Variants in FMN2 observed in about 807,000 individuals in gnomAD.
The protein encoded by FMN2 is formin 2, also known as formin-2.
FMN2 carries 51 observed loss-of-function variants against 142.3 expected under a neutral mutation model. The ratio of observed to expected loss-of-function variants is 0.36; its 90% confidence interval spans 0.29 to 0.45. The LOEUF (loss-of-function observed/expected upper bound fraction) is 0.45, where lower values mean the gene tolerates loss of function less well. FMN2 is among the 20% of genes least tolerant of loss of function. The pLI is 1.00. For synonymous variants in FMN2, 882 were observed against 869.8 expected (o/e 1.01, Z -0.25); for missense variants, 1,936 against 2,122.8 (o/e 0.91, Z 1.73).
chr1:240,115,521 C>T (rs193264942), intron 1 of FMN2, among the ~76,000 whole-genome samples: 23 of 152,262 alleles, frequency 1.5e-4, no homozygotes, highest in African/African-American at 5.1e-4. Context: ...TTAAAGCTTT[C>T]CTTGTCGGTG....
At chr1:240,384,382 G>C (rs1232361211) in intron 14 of FMN2, among the ~76,000 whole-genome samples, 1 of 152,106 alleles carries the variant, frequency 6.6e-6, no homozygotes, top group Admixed American at 6.6e-5. Context: ...TTTGCCTGTT[G>C]TATGATCACA....
intron 15 of FMN2, among the ~76,000 whole-genome samples, chr1:240,416,335 A>G (rs932577075): frequency 6.9e-6 from 1 of 144,120 alleles, no homozygotes; most frequent in African/African-American, 2.6e-5. Context: ...ATCTTAGCTC[A>G]CTGCAACCTC....
At chr1:240,093,795 C>T in intron 1 of FMN2, 71 bp downstream of exon 1, 1 of 1,124,620 alleles carries the variant, frequency 8.9e-7, no homozygotes, top group South Asian at 3.3e-5. Context: ...CTGCCACCCG[C>T]CCTCCCTGGG....
intron 2 of FMN2, among the ~76,000 whole-genome samples, chr1:240,123,571 C>T (rs561671652): frequency 1.3e-5 from 2 of 149,728 alleles, no homozygotes; most frequent in East Asian, 3.9e-4. Context: ...ACCTCCTTTT[C>T]TTGACAGATG....
chr1:240,175,497 T>C (rs1664877816), intron 2 of FMN2, among the ~76,000 whole-genome samples: 1 of 152,130 alleles, frequency 6.6e-6, no homozygotes, highest in Admixed American at 6.6e-5. Context: ...TTATGTTCTA[T>C]CTTGTTGTTG....
chr1:240,093,539 C>A lies in FMN2; in HGVS notation c.1430C>A (p.Ala477Asp). 1 of 1,546,190 alleles carries A rather than the reference C, an allele frequency of 6.5e-7. No individual in the cohort carries two copies. Among genetic ancestry groups the A allele is most frequent in the Non-Finnish European group, 8.7e-7 (1 of 1,152,082 alleles). ...KKHRADGGLA[A>D]GLSRSADWTE... ...CACCGGGCCGACGGCGGCCTTGCGG[C>A]CGGCCTGAGCCGCTCGGCTGACTGG... Residue 477 changes from alanine to aspartate, a missense_variant, in exon 1 of 18, where the codon GCC becomes GAC. Physicochemically the swap from Ala to Asp is moderately radical, Grantham distance 126. Around this residue, in one of 8 missense-constraint regions of FMN2, gnomAD observed 751 missense variants for 791.8 expected, o/e 0.95. Coordinates refer to ENST00000319653, the MANE Select transcript of FMN2 (RefSeq NM_020066.5).
Position 240,306,068 on chromosome 1 carries a change from A to G in FMN2, c.4215+11185A>G, listed in dbSNP as rs189207777. 3.3e-3 allele frequency among the ~76,000 whole-genome samples: 485 copies of G among 148,976 alleles called. 6 individuals carry two copies. Among genetic ancestry groups the G allele is most frequent in the African/African-American group, 0.011 (454 of 40,386 alleles). ...GGGTTCAAGTGATTCTCCTGCCTCA[A>G]CCTCCTGAGTAGCTGGGATTACAGG... On this transcript the variant is annotated intron_variant, in intron 8 of 17. Coordinates refer to ENST00000319653, the MANE Select transcript of FMN2 (RefSeq NM_020066.5).
intron 14 of FMN2, among the ~76,000 whole-genome samples, chr1:240,386,263 G>T (rs1182499100): frequency 1.3e-5 from 2 of 152,164 alleles, no homozygotes; most frequent in Non-Finnish European, 2.9e-5. Context: ...GAAAGGCACT[G>T]CATCTGTCTA....
intron 8 of FMN2, among the ~76,000 whole-genome samples, chr1:240,298,478 C>T (rs1670070557): frequency 6.6e-6 from 1 of 152,160 alleles, no homozygotes; most frequent in Non-Finnish European, 1.5e-5. Flanking sequence ...ATCAGGGGTC[C>T]TCAACCCTCA....
chr1:240,424,186 A>T (rs769260767), intron 15 of FMN2, among the ~76,000 whole-genome samples: 7 of 152,246 alleles, frequency 4.6e-5, no homozygotes, highest in Non-Finnish European at 8.8e-5. Flanking sequence ...GAAATATGAA[A>T]TAGAGTCATA....
At chr1:240,184,361 C>T (rs949741335) in intron 3 of FMN2, among the ~76,000 whole-genome samples, 2 of 150,242 alleles carry the variant, frequency 1.3e-5, no homozygotes, top group Admixed American at 6.6e-5. Flanking sequence ...GTCAGCCTCC[C>T]GAGTAGCTGG....
intron 16 of FMN2, among the ~76,000 whole-genome samples, chr1:240,453,590 C>T (rs973780208): frequency 4.6e-5 from 7 of 151,984 alleles, no homozygotes; most frequent in African/African-American, 1.7e-4. Flanking sequence ...ATGAATAAAA[C>T]ATTGAGGAAG....
intron 8 of FMN2, among the ~76,000 whole-genome samples, chr1:240,317,694 CTG>C (rs752146744): frequency 2.6e-4 from 39 of 149,916 alleles, no homozygotes; most frequent in African/African-American, 9.1e-4. Flanking sequence ...ACACACAAAA[CTG>C]TTATGAACAT....
In FMN2 at chr1:240,376,939, A is replaced by G. The variant is rs563921311; in HGVS notation, c.4859-15572A>G. ...ACTTCACAGGTGATGTCAGAACTCT[A>G]CAACAGTATACTGTCATTCTCCCTT... On this transcript the variant is annotated intron_variant, in intron 14 of 17. Transcript: ENST00000319653. 3.3e-5 allele frequency among the ~76,000 whole-genome samples: 5 copies of G among 152,302 alleles called. No homozygotes were observed. In the South Asian group the frequency reaches 8.3e-4, roughly 25 times the overall value.
At position 240,208,789 on chromosome 1, in the gene FMN2, T is replaced by C. The variant is rs1219735934; in HGVS notation, c.3920+57T>C. 3.3e-6 allele frequency: 5 copies of C among 1,521,014 alleles called. No homozygotes were observed. In the East Asian group the frequency reaches 9.1e-5, roughly 28 times the overall value. The allele number at this position is 1,521,014 out of a possible 1,614,324, so 94.2% of individuals were successfully genotyped here. ...TGTGTGTCAGTATTAGGGAAGTGTT[T>C]ACCTTCAAACTCGGGAAAATTACTG... On this transcript the variant is annotated intron_variant, in intron 5 of 17. Transcript: ENST00000319653.
chr1:240,179,134 G>T (rs183777293), intron 3 of FMN2, among the ~76,000 whole-genome samples: 38 of 152,230 alleles, frequency 2.5e-4, no homozygotes, highest in African/African-American at 9.1e-4. Context: ...GAGAATTATA[G>T]GCATTTATAT....
chr1:240,217,681 A>T (rs1422971536), intron 6 of FMN2, among the ~76,000 whole-genome samples: 7 of 151,960 alleles, frequency 4.6e-5, no homozygotes, highest in Non-Finnish European at 1.5e-5. Context: ...TGAAGATGCT[A>T]TTCCTATAAC....
intron 15 of FMN2, among the ~76,000 whole-genome samples, chr1:240,395,717 G>T (rs1277602360): frequency 6.6e-6 from 1 of 152,154 alleles, no homozygotes; most frequent in Non-Finnish European, 1.5e-5. Context: ...AATAAAATTT[G>T]AACAGATGAG....
intron 15 of FMN2, among the ~76,000 whole-genome samples, chr1:240,405,618 CAA>C (rs199827275): frequency 0.053 from 6,207 of 116,860 alleles, 442 homozygotes; most frequent in African/African-American, 0.17. Context: ...AACTCCGTCT[CAA>C]AAAAAAAAAA....
Sources: allele counts gnomAD v4.1 joint callset (sites outside exome capture counted in the v4.1 genomes callset), GRCh38; gene constraint gnomAD v4.1.1; regional missense constraint gnomAD v4.1.1; transcripts MANE v1.5; gene names NCBI Gene and HGNC (gene_info 2026-07-23, HGNC 2026-07-21).